Variants in ROBO2 observed in about 807,000 individuals in gnomAD.
ROBO2 encodes roundabout guidance receptor 2.
ROBO2 carries 53 observed loss-of-function variants against 160.8 expected under a neutral mutation model. The ratio of observed to expected loss-of-function variants is 0.33; its 90% CI spans 0.26 to 0.41. The LOEUF (loss-of-function observed/expected upper bound fraction) is 0.41, where lower values mean the gene tolerates loss of function less well. Among genes scored for constraint, ROBO2 ranks in the 10% least tolerant of loss-of-function variants. The pLI is 1.00. For synonymous variants in ROBO2, 664 were observed against 611.7 expected, an observed-to-expected ratio of 1.09 and a Z score of -1.26; for missense variants, 1,577 against 1,722.4, an observed-to-expected ratio of 0.92 and a Z score of 1.49.
chr3:76,420,410 A>C (rs1411223650), intron 2 of ROBO2, among the ~76,000 whole-genome samples: 1 of 152,176 alleles, frequency 6.6e-6, no homozygotes, highest in East Asian at 1.9e-4. Flanking sequence ...GATGTGTTTA[A>C]ATGATGACGT....
chr3:76,749,567 C>G (rs2093946698), intron 2 of ROBO2, among the ~76,000 whole-genome samples: 1 of 151,926 alleles, frequency 6.6e-6, no homozygotes, highest in Non-Finnish European at 1.5e-5. Flanking sequence ...CAGAGGTGGG[C>G]CTTCCAGGAA....
intron 2 of ROBO2, among the ~76,000 whole-genome samples, chr3:76,456,214 C>T (rs1167226930): frequency 6.6e-6 from 1 of 152,122 alleles, no homozygotes; most frequent in Non-Finnish European, 1.5e-5. Context: ...TAATCTGTTG[C>T]TGGATGAATG....
At chr3:77,059,290 G>A (rs910543588) in intron 1 of ROBO2, among the ~76,000 whole-genome samples, 1 of 152,160 alleles carries the variant, frequency 6.6e-6, no homozygotes, top group Non-Finnish European at 1.5e-5. Context: ...GGCTGGTAAA[G>A]CTGCAAGCAG....
At chr3:76,921,020 C>A (rs963576296) in intron 2 of ROBO2, among the ~76,000 whole-genome samples, 1 of 152,030 alleles carries the variant, frequency 6.6e-6, no homozygotes, top group African/African-American at 2.4e-5. Context: ...CTTTGTTGAG[C>A]CAGAGAATGG....
chr3:76,833,379 G>A (rs2067252729), intron 2 of ROBO2, among the ~76,000 whole-genome samples: 1 of 152,178 alleles, frequency 6.6e-6, no homozygotes. Context: ...ACCACAAGGT[G>A]TCAGATATTT....
chr3:77,275,625 T>C (rs1364975447), intron 2 of ROBO2, among the ~76,000 whole-genome samples: 1 of 152,184 alleles, frequency 6.6e-6, no homozygotes, highest in Non-Finnish European at 1.5e-5. Context: ...TCTCTTTTCT[T>C]TATCCCTCTT....
chr3:77,455,758 T>C (rs1457835876), intron 2 of ROBO2, among the ~76,000 whole-genome samples: 1 of 151,966 alleles, frequency 6.6e-6, no homozygotes, highest in Non-Finnish European at 1.5e-5. Flanking sequence ...TTTTAGATGT[T>C]TGAGGCAATG....
At chr3:76,380,811 G>A (rs1001406842) in intron 2 of ROBO2, among the ~76,000 whole-genome samples, 3 of 152,022 alleles carry the variant, frequency 2.0e-5, no homozygotes, top group Non-Finnish European at 4.4e-5. Context: ...CTCAATATAA[G>A]CTAGAAAGTA....
Position 76,064,731 on chromosome 3 carries a change from A to G in ROBO2, c.109+127129A>G, listed in dbSNP as rs2068194182. Reference sequence around the variant, plus strand: ...GAAAAAATACATACAATGTAGAAGCACAATAGAGCTAAGATATTTTAGGAA... The same window carrying G: ...GAAAAAATACATACAATGTAGAAGCGCAATAGAGCTAAGATATTTTAGGAA... On this transcript the variant is annotated intron_variant, in intron 2 of 26. Coordinates refer to the ROBO2 transcript ENST00000487694. 2.0e-5 allele frequency among the ~76,000 whole-genome samples: 3 copies of G among 152,198 alleles called. No individual in the cohort carries two copies. In the South Asian group the frequency reaches 6.2e-4, roughly 31 times the overall value.
intron 2 of ROBO2, among the ~76,000 whole-genome samples, chr3:76,044,492 G>A (rs2067382813): frequency 6.6e-6 from 1 of 151,924 alleles, no homozygotes; most frequent in Admixed American, 6.5e-5. Flanking sequence ...GTGAGAATGT[G>A]GGACTCAGTC....
intron 2 of ROBO2, among the ~76,000 whole-genome samples, chr3:76,738,713 G>A (rs996222668): frequency 1.3e-4 from 20 of 152,166 alleles, no homozygotes; most frequent in Admixed American, 1.1e-3. Flanking sequence ...TGATATGGCC[G>A]AGTGAATGAG....
chr3:76,894,436 G>A (rs566906000), intron 2 of ROBO2, among the ~76,000 whole-genome samples: 4 of 152,136 alleles, frequency 2.6e-5, no homozygotes, highest in South Asian at 2.1e-4. Flanking sequence ...ATGTAAGAAC[G>A]ACATTGTGTT....
chr3:76,364,769 A>C (rs1033613279), intron 2 of ROBO2, among the ~76,000 whole-genome samples: 2 of 152,054 alleles, frequency 1.3e-5, no homozygotes, highest in African/African-American at 4.8e-5. Flanking sequence ...TGAGAATTTC[A>C]AAACTTCATG....
chr3:76,672,903 A>C (rs1471798354), intron 2 of ROBO2, among the ~76,000 whole-genome samples: 3 of 152,166 alleles, frequency 2.0e-5, no homozygotes, highest in Non-Finnish European at 4.4e-5. Flanking sequence ...CTAATGTGTT[A>C]TATTTTCATT....
chr3:76,250,407 T>G (rs980505247), intron 2 of ROBO2, among the ~76,000 whole-genome samples: 76 of 152,224 alleles, frequency 5.0e-4, no homozygotes, highest in African/African-American at 1.8e-3. Flanking sequence ...TCCTTTTCAT[T>G]AGAGAGCAAA....
intron 2 of ROBO2, among the ~76,000 whole-genome samples, chr3:76,747,090 G>C (rs1053199508): frequency 1.3e-5 from 2 of 151,960 alleles, no homozygotes; most frequent in Non-Finnish European, 2.9e-5. Flanking sequence ...CTTTGCTATT[G>C]TCAATAGTGC....
In ROBO2 at chr3:76,126,683, T is replaced by C. The variant is rs538942370; in HGVS notation, c.109+189081T>C. On this transcript the variant is annotated intron_variant, in intron 2 of 26. Coordinates refer to the ROBO2 transcript ENST00000487694. ...ATAAGTAAAAATAGAATTCCTATAT[T>C]CTATGGAATTAGAAACTACATTCTC... Among the ~76,000 whole-genome samples, 8 of 152,258 alleles carry C rather than the reference T, an allele frequency of 5.3e-5. No homozygotes were observed. The South Asian group carries it at 1.7e-3, about 32-fold the overall frequency.
At chr3:77,112,887 T>A (rs1291231787) in intron 2 of ROBO2, among the ~76,000 whole-genome samples, 1 of 152,206 alleles carries the variant, frequency 6.6e-6, no homozygotes, top group Admixed American at 6.5e-5. Context: ...TGTTTTGATA[T>A]GGCTTTGCCT....
At chr3:75,918,377 T>G (rs1203570668) in intron 1 of ROBO2, among the ~76,000 whole-genome samples, 4 of 152,182 alleles carry the variant, frequency 2.6e-5, no homozygotes, top group Non-Finnish European at 4.4e-5. Flanking sequence ...GCCTCTGTTC[T>G]GTTTCATTGG....
Sources: gnomAD v4.1 joint callset for allele counts (sites outside exome capture counted in the v4.1 genomes callset) on GRCh38, gnomAD v4.1.1 for gene constraint, MANE v1.5 for transcripts, NCBI Gene and HGNC (gene_info 2026-07-23, HGNC 2026-07-21) for gene names.